Variants in SAXO1 observed in about 807,000 individuals in gnomAD.
SAXO1 encodes the protein stabilizer of axonemal microtubules 1, also known as 4930500O09Rik.
Under a neutral mutation model 17.5 loss-of-function variants are expected in SAXO1, and 21 were observed. That is an observed-to-expected ratio of 1.20 (90% confidence interval 0.85 to 1.72). The LOEUF (loss-of-function observed/expected upper bound fraction) is 1.72, where lower values mean the gene tolerates loss of function less well. Ranked by LOEUF, SAXO1 falls within the 40% of genes most tolerant of loss-of-function variation. The pLI, the probability that SAXO1 is intolerant of heterozygous loss-of-function variation, is 0.00. For missense variants in SAXO1, 843 were observed against 596.0 expected (o/e 1.41, Z -4.32); for synonymous variants, 274 against 216.5 (o/e 1.27, Z -2.33).
At chr9:19,017,177 G>C in intron 1 of SAXO1, among the ~76,000 whole-genome samples, 1 of 151,894 alleles carries the variant, frequency 6.6e-6, no homozygotes, top group Admixed American at 6.6e-5. Context: ...AGAAAGAAGA[G>C]AGAAAGAAAA....
intron 1 of SAXO1, among the ~76,000 whole-genome samples, chr9:19,030,164 A>G (rs1274288210): frequency 6.6e-6 from 1 of 152,136 alleles, no homozygotes; most frequent in African/African-American, 2.4e-5. Flanking sequence ...TAGGTATTTT[A>G]GAGAAAGGGA....
intron 3 of SAXO1, among the ~76,000 whole-genome samples, chr9:18,940,169 G>A (rs557799936): frequency 6.6e-6 from 1 of 152,318 alleles, no homozygotes; most frequent in South Asian, 2.1e-4. Context: ...ATGGACTGGA[G>A]GTCCCAAAAA....
upstream of SAXO1, among the ~76,000 whole-genome samples, chr9:19,035,053 C>A (rs1242574909): frequency 1.3e-5 from 2 of 152,094 alleles, no homozygotes; most frequent in African/African-American, 4.8e-5. Context: ...CAATGATATA[C>A]CTAAAGATCA....
At chr9:19,024,720 C>CAG (rs941429442) in intron 1 of SAXO1, among the ~76,000 whole-genome samples, 17 of 152,162 alleles carry the variant, frequency 1.1e-4, no homozygotes, top group Admixed American at 4.6e-4. Context: ...CAAAGCGCCT[C>CAG]TCCCACCCCT....
intron 3 of SAXO1, among the ~76,000 whole-genome samples, chr9:18,932,232 C>T (rs990548893): frequency 3.3e-5 from 5 of 152,216 alleles, no homozygotes; most frequent in African/African-American, 1.2e-4. Flanking sequence ...GCGGTAACTT[C>T]GTCTTTTTGC....
intron 3 of SAXO1, among the ~76,000 whole-genome samples, chr9:18,931,589 A>C (rs1831053297): frequency 6.6e-6 from 1 of 152,228 alleles, no homozygotes; most frequent in Admixed American, 6.5e-5. Flanking sequence ...AGATACTGCC[A>C]AATGTTCTCA....
chr9:18,970,073 C>G (rs1435533155), intron 1 of SAXO1, among the ~76,000 whole-genome samples: 1 of 152,168 alleles, frequency 6.6e-6, no homozygotes, highest in East Asian at 1.9e-4. Flanking sequence ...CTCTGCCTTA[C>G]TAAGCTTGCA....
At chr9:18,947,796 C>T (rs1831859188) in intron 2 of SAXO1, 2 of 152,194 alleles carry the variant, frequency 1.3e-5, no homozygotes, top group South Asian at 2.1e-4. Flanking sequence ...ACAAGCATTC[C>T]CCTCATGGCA....
chr9:18,930,274 G>C (rs1018127396), intron 3 of SAXO1, among the ~76,000 whole-genome samples: 12 of 152,300 alleles, frequency 7.9e-5, no homozygotes, highest in African/African-American at 2.6e-4. Flanking sequence ...TCTGCTGTGG[G>C]GCTGGAATGG....
intron 1 of SAXO1, among the ~76,000 whole-genome samples, chr9:18,992,533 G>A (rs923179460): frequency 1.3e-5 from 2 of 152,144 alleles, no homozygotes; most frequent in Admixed American, 1.3e-4. Flanking sequence ...GGAGCATTAG[G>A]ACTTCAAAAT....
chr9:19,024,887 G>A (rs1835410577), intron 1 of SAXO1, among the ~76,000 whole-genome samples: 2 of 152,124 alleles, frequency 1.3e-5, no homozygotes, highest in South Asian at 2.1e-4. Context: ...AGGGAATGAC[G>A]TTTAAAACTG....
chr9:18,997,014 T>C (rs1179785145), intron 1 of SAXO1, among the ~76,000 whole-genome samples: 1 of 151,730 alleles, frequency 6.6e-6, no homozygotes, highest in Non-Finnish European at 1.5e-5. Flanking sequence ...GGTCTACAGC[T>C]CCCAGCGAGA....
At chr9:18,982,028 C>T (rs528821539) in intron 1 of SAXO1, among the ~76,000 whole-genome samples, 12 of 152,138 alleles carry the variant, frequency 7.9e-5, no homozygotes, top group Non-Finnish European at 1.6e-4. Context: ...CACGCCAGAG[C>T]GACCAGTACC....
At chr9:18,956,859 G>A (rs1832279524) in intron 1 of SAXO1, among the ~76,000 whole-genome samples, 1 of 152,206 alleles carries the variant, frequency 6.6e-6, no homozygotes. Context: ...AATGCGATGA[G>A]CGAGGCACTA....
At chr9:18,948,087 C>T (rs576662549) in intron 2 of SAXO1, among the ~76,000 whole-genome samples, 2 of 152,310 alleles carry the variant, frequency 1.3e-5, no homozygotes, top group South Asian at 2.1e-4. Context: ...CGACAATCTG[C>T]ACAGACACAA....
intron 1 of SAXO1, among the ~76,000 whole-genome samples, chr9:18,993,340 A>C (rs1352659098): frequency 6.6e-6 from 1 of 151,600 alleles, no homozygotes; most frequent in Non-Finnish European, 1.5e-5. Context: ...CTCATTAAGA[A>C]CATATTAAAC....
chr9:19,001,560 G>C (rs183260495), intron 1 of SAXO1, among the ~76,000 whole-genome samples: 18 of 151,870 alleles, frequency 1.2e-4, no homozygotes, highest in African/African-American at 4.4e-4. Context: ...CCAGCTACTC[G>C]GGAGGCTGAG....
chr9:18,982,607 G>A lies in SAXO1; in HGVS notation c.39-31670C>T, dbSNP rs571631847. On this transcript the variant is annotated intron_variant, in intron 1 of 3. Transcript: ENST00000380534. ...TCCTTCTGGTGACTTTGTATATAAC[G>A]TCAGTTGGGAGGGAGAGCAATAAGC... Among the ~76,000 whole-genome samples, 14 of 152,256 alleles carry A rather than the reference G, an allele frequency of 9.2e-5. No homozygotes were observed. In the South Asian group the frequency reaches 1.0e-3, roughly 11 times the overall value.
chr9:19,004,896 GA>G (rs552615159), intron 1 of SAXO1, among the ~76,000 whole-genome samples: 2 of 152,150 alleles, frequency 1.3e-5, no homozygotes, highest in Non-Finnish European at 1.5e-5. Flanking sequence ...AATTTAACAT[GA>G]AAAAAATTCT....
Sources: allele counts gnomAD v4.1 joint callset (sites outside exome capture counted in the v4.1 genomes callset), GRCh38; gene constraint gnomAD v4.1.1; transcripts MANE v1.5; gene names NCBI Gene and HGNC (gene_info 2026-07-23, HGNC 2026-07-21).